Variants in ANGPT2 observed in about 807,000 individuals in gnomAD.
The protein encoded by ANGPT2 is angiopoietin-2.
In ANGPT2, 28 loss-of-function variants were observed where a neutral mutation model predicts 62.9. That is an observed-to-expected ratio of 0.44 (90% CI 0.33 to 0.61). The LOEUF (loss-of-function observed/expected upper bound fraction) is 0.61, where lower values mean the gene tolerates loss of function less well. Ranked by LOEUF, ANGPT2 falls within the 20% of genes least tolerant of loss-of-function variation. The pLI is 0.03. For synonymous variants in ANGPT2, 284 were observed against 207.8 expected, an observed-to-expected ratio of 1.37 and a Z score of -3.15; for missense variants, 727 against 594.9, an observed-to-expected ratio of 1.22 and a Z score of -2.31.
At chr8:6,549,156 A>G (rs966347429) in intron 1 of ANGPT2, among the ~76,000 whole-genome samples, 4 of 152,248 alleles carry the variant, frequency 2.6e-5, no homozygotes, top group Non-Finnish European at 5.9e-5. Flanking sequence ...AAGAAAAATG[A>G]TACATGGGTT....
intron 2 of ANGPT2, among the ~76,000 whole-genome samples, chr8:6,531,862 A>T (rs1984860): frequency 0.39 from 58,473 of 151,826 alleles, 11,524 homozygotes; most frequent in African/African-American, 0.41. Context: ...TTCTCCATAA[A>T]CTCATTCCAC....
intron 3 of ANGPT2, 133 bp downstream of exon 3, chr8:6,527,422 C>T: frequency 9.3e-7 from 1 of 1,077,344 alleles, no homozygotes; most frequent in Non-Finnish European, 1.3e-6. Flanking sequence ...CCCTTCTCCT[C>T]CCTCATGAGG....
chr8:6,518,403 TC>T (rs1440061307), intron 5 of ANGPT2, among the ~76,000 whole-genome samples: 1 of 152,238 alleles, frequency 6.6e-6, no homozygotes, highest in Non-Finnish European at 1.5e-5. Context: ...GTGGGTTTGT[TC>T]CCTTCCTTCC....
At chr8:6,521,442 G>A (rs768438205) in intron 3 of ANGPT2, 32 bp from the exon 4 acceptor site, 1 of 1,428,460 alleles carries the variant, frequency 7.0e-7, no homozygotes, top group South Asian at 1.2e-5. Context: ...AGTTAGTGAA[G>A]GCTATTCTAA....
In ANGPT2 at chr8:6,505,482, ATATATATATTCTT is replaced by A. The variant is rs1813361348; in HGVS notation, c.1328-2234_1328-2222del. 4.3e-5 allele frequency among the ~76,000 whole-genome samples: 3 copies of A among 70,182 alleles called. No homozygotes were observed. The South Asian group carries it at 1.3e-3, about 30-fold the overall frequency. 46.0% of individuals were successfully genotyped at this position (70,182 alleles called of 152,430 possible). On this transcript the variant is annotated intron_variant, in intron 8 of 8. Coordinates refer to ENST00000629816, the MANE Select transcript of ANGPT2 (RefSeq NM_001118887.2). ...TATATATATTCTTTACATATATAGAATATATATATTCTTTATATATGTATATATAGAATATATA... is the reference window on the plus strand; with the variant it reads ...TATATATATTCTTTACATATATAGAATATATATGTATATATAGAATATATA...
rs1563306207 is a variant in ANGPT2, at chr8:6,505,334, G to GT, written c.1328-2074_1328-2073insA. Among the ~76,000 whole-genome samples, 82 of 30,700 alleles carry GT rather than the reference G, an allele frequency of 2.7e-3. 2 individuals carry two copies. The highest frequency in any genetic ancestry group is 0.015 in the Admixed American group (48 of 3,184). 20.1% of individuals were successfully genotyped at this position (30,700 alleles called of 152,430 possible). A position where few individuals can be genotyped will look rare whatever the true frequency, so the allele number is the denominator to read the frequency against. ...AACATATATATGTTATATACATATA[G>GT]AAAGAATATATATATTCTTTCTATA... On this transcript the variant is annotated intron_variant, in intron 8 of 8. Coordinates refer to ENST00000629816, the MANE Select transcript of ANGPT2 (RefSeq NM_001118887.2).
intron 3 of ANGPT2, among the ~76,000 whole-genome samples, 166 bp from the exon 4 acceptor site, chr8:6,521,576 T>C (rs958291481): frequency 2.6e-5 from 4 of 152,198 alleles, no homozygotes; most frequent in Admixed American, 2.0e-4. Context: ...GCTGAGAAGA[T>C]TAGATATATA....
intron 1 of ANGPT2, among the ~76,000 whole-genome samples, chr8:6,536,986 A>G (rs1335841325): frequency 2.6e-5 from 4 of 151,726 alleles, no homozygotes; most frequent in Admixed American, 6.6e-5. Context: ...AAAAAAAAAA[A>G]AAAACCAACC....
intron 1 of ANGPT2, among the ~76,000 whole-genome samples, chr8:6,561,169 A>C (rs1425110094): frequency 2.0e-5 from 3 of 152,242 alleles, no homozygotes; most frequent in Non-Finnish European, 1.5e-5. Context: ...CACAGCTATG[A>C]ATTTTAGAAG....
chr8:6,509,265 T>C (rs1310337437), intron 7 of ANGPT2, among the ~76,000 whole-genome samples: 4 of 152,210 alleles, frequency 2.6e-5, no homozygotes, highest in African/African-American at 4.8e-5. Flanking sequence ...AGAGGGATGT[T>C]TTCATGAAAC....
chr8:6,514,419 C>G (rs1432379713), intron 6 of ANGPT2, among the ~76,000 whole-genome samples: 1 of 152,108 alleles, frequency 6.6e-6, no homozygotes, highest in African/African-American at 2.4e-5. Context: ...AAACTCCTGA[C>G]CTCAGGTAAT....
intron 3 of ANGPT2, 59 bp from the exon 4 acceptor site, chr8:6,521,469 T>C: frequency 3.3e-6 from 4 of 1,228,664 alleles, no homozygotes; most frequent in Non-Finnish European, 4.5e-6. Flanking sequence ...ATTTTATATT[T>C]ATTGAATTTC....
chr8:6,557,795 C>G (rs1824881418), intron 1 of ANGPT2, among the ~76,000 whole-genome samples: 1 of 151,880 alleles, frequency 6.6e-6, no homozygotes, highest in Non-Finnish European at 1.5e-5. Context: ...AAATTGTGAA[C>G]AGCTAATTGG....
chr8:6,544,477 A>G (rs1822179143), intron 1 of ANGPT2, among the ~76,000 whole-genome samples: 1 of 152,218 alleles, frequency 6.6e-6, no homozygotes, highest in Non-Finnish European at 1.5e-5. Flanking sequence ...ACTACAAAAT[A>G]TATGTTACGT....
Position 6,516,311 on chromosome 8 carries a change from C to A in ANGPT2, c.928-1533G>T, listed in dbSNP as rs115319426. On this transcript the variant is annotated intron_variant, in intron 5 of 8. Transcript: ENST00000629816. ...GTGTATATTATCTATAATCTCACAG[C>A]AACTCTGCTGTAGTATCATAATTCT... 3.5e-3 allele frequency among the ~76,000 whole-genome samples: 529 copies of A among 152,318 alleles called. 2 individuals are homozygous for A. The highest frequency in any genetic ancestry group is 0.012 in the African/African-American group (484 of 41,558).
chr8:6,527,725 A>C (rs1446171498), intron 2 of ANGPT2, 49 bp from the exon 3 acceptor site: 4 of 1,493,872 alleles, frequency 2.7e-6, no homozygotes, highest in Non-Finnish European at 3.6e-6. Context: ...TAATTAGTTT[A>C]ACTTTCTAAC....
intron 1 of ANGPT2, among the ~76,000 whole-genome samples, chr8:6,549,985 G>T (rs1823329444): frequency 6.6e-6 from 1 of 152,246 alleles, no homozygotes; most frequent in Non-Finnish European, 1.5e-5. Flanking sequence ...AAAAGGTTGG[G>T]GTTGGCTTTG....
chr8:6,504,371 A>G (rs568623522), intron 8 of ANGPT2, among the ~76,000 whole-genome samples: 11 of 150,782 alleles, frequency 7.3e-5, no homozygotes, highest in Non-Finnish European at 1.6e-4. Context: ...TGCCGTTCTG[A>G]GTAACGGGAT....
At chr8:6,557,672 G>A (rs1436059937) in intron 1 of ANGPT2, among the ~76,000 whole-genome samples, 1 of 126,558 alleles carries the variant, frequency 7.9e-6, no homozygotes, top group South Asian at 3.0e-4. Context: ...TATTTAATAT[G>A]ATATATATGT....
Sources: gnomAD v4.1 joint callset for allele counts (sites outside exome capture counted in the v4.1 genomes callset) on GRCh38, gnomAD v4.1.1 for gene constraint, MANE v1.5 for transcripts, NCBI Gene and HGNC (gene_info 2026-07-23, HGNC 2026-07-21) for gene names.